Variants in MYO1D observed in about 807,000 individuals in gnomAD.
The protein encoded by MYO1D is myosin ID.
MYO1D carries 83 observed loss-of-function variants against 122.0 expected under a neutral mutation model. The observed-to-expected ratio is 0.68, with a 90% CI of 0.57 to 0.82. The LOEUF (loss-of-function observed/expected upper bound fraction) is 0.82. Among genes scored for constraint, MYO1D ranks in the 40% least tolerant of loss-of-function variants. The probability of loss-of-function intolerance (pLI) is 0.00; values close to 1 mark genes in which losing one functional copy is unlikely to be tolerated. For missense variants in MYO1D, 1,157 were observed against 1,269.5 expected, an observed-to-expected ratio of 0.91 and a Z score of 1.35; for synonymous variants, 464 against 446.9, an observed-to-expected ratio of 1.04 and a Z score of -0.48.
At chr17:32,815,788 G>C (rs2090608164) in intron 1 of MYO1D, among the ~76,000 whole-genome samples, 1 of 152,224 alleles carries the variant, frequency 6.6e-6, no homozygotes, top group African/African-American at 2.4e-5. Context: ...GACAAGGTAA[G>C]TGATTACCGT....
At chr17:32,760,425 T>A (rs1183977490) in intron 9 of MYO1D, 21 bp from the exon 10 acceptor site, 1 of 1,604,126 alleles carries the variant, frequency 6.2e-7, no homozygotes, top group East Asian at 2.2e-5. Flanking sequence ...AGGAATAAAT[T>A]AAGTTTCAAC....
intron 21 of MYO1D, chr17:32,498,711 A>T (rs1909212691): frequency 6.6e-6 from 1 of 152,240 alleles, no homozygotes; most frequent in Admixed American, 6.5e-5. Context: ...CGCAGAAGGA[A>T]TTTCCACTGC....
chr17:32,777,206 G>C (rs1169599457), intron 3 of MYO1D, among the ~76,000 whole-genome samples: 1 of 152,106 alleles, frequency 6.6e-6, no homozygotes, highest in Non-Finnish European at 1.5e-5. Context: ...TGTAAAGTCA[G>C]AGTAAGAAGG....
intron 21 of MYO1D, among the ~76,000 whole-genome samples, chr17:32,527,008 A>G (rs751968856): frequency 6.6e-6 from 1 of 152,248 alleles, no homozygotes; most frequent in Non-Finnish European, 1.5e-5. Flanking sequence ...CTAAGCAGAT[A>G]GGAACTAACA....
chr17:32,867,899 T>C (rs1367711690), intron 1 of MYO1D, among the ~76,000 whole-genome samples: 1 of 141,510 alleles, frequency 7.1e-6, no homozygotes, highest in African/African-American at 2.7e-5. Context: ...AATGAGGAAA[T>C]TGGTTATAGA....
At chr17:32,645,362 A>T (rs2088273084) in intron 19 of MYO1D, among the ~76,000 whole-genome samples, 1 of 152,114 alleles carries the variant, frequency 6.6e-6, no homozygotes, top group South Asian at 2.1e-4. Flanking sequence ...AACTTTGGTG[A>T]ATCTGACAAT....
At chr17:32,516,444 G>T (rs1458562234) in intron 21 of MYO1D, among the ~76,000 whole-genome samples, 1 of 152,110 alleles carries the variant, frequency 6.6e-6, no homozygotes, top group East Asian at 1.9e-4. Flanking sequence ...TTTGATCCAG[G>T]CTGGAGCTTG....
At chr17:32,668,382 AT>A (rs1381453364) in intron 16 of MYO1D, among the ~76,000 whole-genome samples, 5 of 152,222 alleles carry the variant, frequency 3.3e-5, no homozygotes, top group Non-Finnish European at 5.9e-5. Context: ...TGTGTGACAA[AT>A]GCCCAGCATT....
chr17:32,774,547 A>G (rs1316688094), intron 4 of MYO1D, among the ~76,000 whole-genome samples: 1 of 152,184 alleles, frequency 6.6e-6, no homozygotes, highest in African/African-American at 2.4e-5. Flanking sequence ...ATCCTGTAAT[A>G]AAAGTCAGTT....
intron 21 of MYO1D, 91 bp from the exon 22 acceptor site, chr17:32,495,006 G>C (rs1172097216): frequency 1.4e-6 from 2 of 1,399,566 alleles, no homozygotes; most frequent in East Asian, 5.2e-5. Context: ...ATTGGCTCCG[G>C]CGCAGCCTGC....
intron 21 of MYO1D, chr17:32,510,031 C>A (rs1895221709): frequency 6.6e-6 from 1 of 152,178 alleles, no homozygotes; most frequent in East Asian, 1.9e-4. Flanking sequence ...TTCATTTAAT[C>A]CTTATCAAAG....
chr17:32,709,999 G>A (rs768471308), intron 16 of MYO1D, among the ~76,000 whole-genome samples: 1 of 152,044 alleles, frequency 6.6e-6, no homozygotes, highest in Non-Finnish European at 1.5e-5. Context: ...ATTTAATATT[G>A]TAGAAATGTT....
chr17:32,819,093 T>G (rs1210210424), intron 1 of MYO1D, among the ~76,000 whole-genome samples: 1 of 152,224 alleles, frequency 6.6e-6, no homozygotes, highest in Non-Finnish European at 1.5e-5. Context: ...CACTTTACTC[T>G]GAAAGCATTT....
At chr17:32,741,745 C>A (rs116226436) in intron 13 of MYO1D, among the ~76,000 whole-genome samples, 1 of 152,220 alleles carries the variant, frequency 6.6e-6, no homozygotes, top group African/African-American at 2.4e-5. Context: ...TCAACATATA[C>A]CATGGATAGA....
At chr17:32,653,597 A>T (rs1471841406) in intron 19 of MYO1D, among the ~76,000 whole-genome samples, 2 of 129,436 alleles carry the variant, frequency 1.5e-5, no homozygotes, top group Non-Finnish European at 3.3e-5. Flanking sequence ...CATGAGTAAA[A>T]CTCCGTCTCC....
chr17:32,561,379 A>C (rs2087124267), intron 21 of MYO1D, among the ~76,000 whole-genome samples: 1 of 151,300 alleles, frequency 6.6e-6, no homozygotes, highest in African/African-American at 2.4e-5. Flanking sequence ...TAAAATTCAT[A>C]CATGTTTATT....
intron 13 of MYO1D, among the ~76,000 whole-genome samples, chr17:32,744,849 G>C (rs2089814764): frequency 6.6e-6 from 1 of 152,118 alleles, no homozygotes; most frequent in Non-Finnish European, 1.5e-5. Flanking sequence ...CACTACAGTG[G>C]GAATCTGAGT....
chr17:32,548,429 G>GA (rs113153925), intron 21 of MYO1D, among the ~76,000 whole-genome samples: 13,834 of 132,088 alleles, frequency 0.1, 799 homozygotes, highest in South Asian at 0.18. Context: ...CCTGTCTCAA[G>GA]AAAAAAAAAA....
intron 21 of MYO1D, among the ~76,000 whole-genome samples, chr17:32,597,677 G>C (rs1000476071): frequency 9.2e-5 from 14 of 151,942 alleles, no homozygotes; most frequent in African/African-American, 3.1e-4. Context: ...TTTAAGACCA[G>C]CCTGGCCAAA....
Sources: gnomAD v4.1 joint callset for allele counts (sites outside exome capture counted in the v4.1 genomes callset) on GRCh38, gnomAD v4.1.1 for gene constraint, MANE v1.5 for transcripts, NCBI Gene and HGNC (gene_info 2026-07-23, HGNC 2026-07-21) for gene names.